The following KIF26B variants were observed in gnomAD, a reference collection of about 807,000 sequenced individuals.
KIF26B encodes the protein kinesin family member 26B.
A neutral mutation model predicts 151.2 loss-of-function variants in KIF26B; 63 were observed. The ratio of observed to expected loss-of-function variants is 0.42; its 90% CI spans 0.34 to 0.51. KIF26B has a LOEUF of 0.51. Among genes scored for constraint, KIF26B ranks in the 20% least tolerant of loss-of-function variants. The pLI is 0.07. For missense variants in KIF26B, 2,813 were observed against 2,913.6 expected, an observed-to-expected ratio of 0.97 and a Z score of 0.79; for synonymous variants, 1,357 against 1,262.1, an observed-to-expected ratio of 1.08 and a Z score of -1.59.
At chr1:245,424,027 G>C (rs982911743) in intron 4 of KIF26B, among the ~76,000 whole-genome samples, 1 of 151,986 alleles carries the variant, frequency 6.6e-6, no homozygotes, top group African/African-American at 2.4e-5. Flanking sequence ...TTTTTGAAGA[G>C]ATGAGTCTCC....
intron 10 of KIF26B, among the ~76,000 whole-genome samples, chr1:245,663,735 C>G (rs2147935665): frequency 6.6e-6 from 1 of 152,182 alleles, no homozygotes; most frequent in South Asian, 2.1e-4. Context: ...GCGTGCAAAC[C>G]TGCATGTAAT....
At position 245,494,306 on chromosome 1, in the gene KIF26B, C is replaced by CAAAT. The variant is rs1319800370; in HGVS notation, c.1167-46458_1167-46457insTAAA. Among the ~76,000 whole-genome samples, 4 of 4,818 alleles carry CAAAT rather than the reference C, an allele frequency of 8.3e-4. No homozygotes were observed. The Non-Finnish European group carries it at 0.012, about 14-fold the overall frequency. 3.2% of individuals were successfully genotyped at this position (4,818 alleles called of 152,430 possible). On this transcript the variant is annotated intron_variant, in intron 4 of 14. Coordinates refer to ENST00000407071, the MANE Select transcript of KIF26B (RefSeq NM_018012.4). ...GGGCAACAAGACCAAAACTCTGTCT[C>CAAAT]AAACAAACAAACAAACAAAAAACAA...
rs530346638 is a variant in KIF26B, at chr1:245,302,364, GT to G, written c.466-64466del. 6.4e-4 allele frequency among the ~76,000 whole-genome samples: 97 copies of G among 152,326 alleles called. 1 individual carries two copies. The highest frequency in any genetic ancestry group is 2.2e-3 in the African/African-American group (92 of 41,576). On this transcript the variant is annotated intron_variant, in intron 2 of 14. Coordinates refer to ENST00000407071, the MANE Select transcript of KIF26B (RefSeq NM_018012.4). ...AAGCTCATAATGTGGTGAAGATACC[GT>G]TTTGGGATTATTTCTAGAACGTGAT...
At chr1:245,435,473 C>T (rs1658895607) in intron 4 of KIF26B, among the ~76,000 whole-genome samples, 1 of 152,228 alleles carries the variant, frequency 6.6e-6, no homozygotes, top group African/African-American at 2.4e-5. Flanking sequence ...GCTTACTAGT[C>T]CATTGCCTGT....
chr1:245,331,779 C>T (rs1341705922), intron 2 of KIF26B, among the ~76,000 whole-genome samples: 3 of 152,204 alleles, frequency 2.0e-5, no homozygotes, highest in East Asian at 1.9e-4. Context: ...ACACTTCTTT[C>T]GTATGTAGAA....
chr1:245,686,964 G>A lies in KIF26B; in HGVS notation c.3981G>A (p.Val1327=), dbSNP rs2044534821. ...TCAGCAGCCTCCAGAACACCGCTGTGGTGTGCAGAGAGAAGCCCAAGGCCA... is the reference window on the plus strand; with the variant it reads ...TCAGCAGCCTCCAGAACACCGCTGTAGTGTGCAGAGAGAAGCCCAAGGCCA... ...EFVSSLQNTA[V]VCREKPKASP... Residue 1327 remains valine, a synonymous_variant, in exon 12 of 15, where the codon GTG becomes GTA. Transcript: ENST00000407071. The surrounding 1 kb of genome is among the most constrained non-coding windows in gnomAD (Gnocchi z 5.6). 6.2e-7 allele frequency: 1 copy of A among 1,613,420 alleles called. No homozygotes were observed. Among genetic ancestry groups the A allele is most frequent in the South Asian group, 1.1e-5 (1 of 90,994 alleles).
At chr1:245,644,960 T>C (rs1214318209) in intron 9 of KIF26B, among the ~76,000 whole-genome samples, 1 of 152,078 alleles carries the variant, frequency 6.6e-6, no homozygotes, top group Non-Finnish European at 1.5e-5. Flanking sequence ...CTTACGATGA[T>C]GGTGGAAGGT....
intron 2 of KIF26B, among the ~76,000 whole-genome samples, chr1:245,171,691 C>T (rs147662301): frequency 1.4e-4 from 22 of 152,250 alleles, no homozygotes; most frequent in Middle Eastern, 3.4e-3. Context: ...AATCATAGAA[C>T]GATGGCATAG....
intron 10 of KIF26B, among the ~76,000 whole-genome samples, chr1:245,668,473 A>G (rs553583585): frequency 4.6e-5 from 7 of 152,356 alleles, no homozygotes; most frequent in South Asian, 4.1e-4. Context: ...AAAATTTTGT[A>G]GATTCTCCCT....
At chr1:245,399,402 A>G (rs1673939233) in intron 3 of KIF26B, among the ~76,000 whole-genome samples, 1 of 152,192 alleles carries the variant, frequency 6.6e-6, no homozygotes, top group Non-Finnish European at 1.5e-5. Context: ...TACATTATGT[A>G]CATGGTTGAC....
chr1:245,278,958 G>A (rs1241788296), intron 2 of KIF26B, among the ~76,000 whole-genome samples: 1 of 152,162 alleles, frequency 6.6e-6, no homozygotes, highest in Non-Finnish European at 1.5e-5. Flanking sequence ...TGGACACTAA[G>A]CCCACAGCCC....
At chr1:245,532,284 C>G (rs1239979340) in intron 4 of KIF26B, among the ~76,000 whole-genome samples, 2 of 128,578 alleles carry the variant, frequency 1.6e-5, no homozygotes, top group South Asian at 2.4e-4. Flanking sequence ...CTTGCTCTGT[C>G]GCCCAGGCTG....
intron 5 of KIF26B, among the ~76,000 whole-genome samples, chr1:245,551,398 T>G (rs1300292497): frequency 6.6e-6 from 1 of 152,204 alleles, no homozygotes; most frequent in African/African-American, 2.4e-5. Flanking sequence ...AGATTTTCAG[T>G]GAAGGACAAT....
At chr1:245,290,091 G>A (rs1276848623) in intron 2 of KIF26B, among the ~76,000 whole-genome samples, 1 of 152,054 alleles carries the variant, frequency 6.6e-6, no homozygotes, top group Admixed American at 6.5e-5. Context: ...TTTACTTGGG[G>A]TCAGGCACTG....
chr1:245,656,428 GACAA>G (rs1395431048), intron 10 of KIF26B, among the ~76,000 whole-genome samples: 10 of 152,304 alleles, frequency 6.6e-5, no homozygotes, highest in African/African-American at 2.4e-4. Flanking sequence ...CACAAATCAT[GACAA>G]ACCACTAAGC....
intron 3 of KIF26B, among the ~76,000 whole-genome samples, chr1:245,377,764 G>A (rs1279858009): frequency 6.6e-6 from 1 of 152,060 alleles, no homozygotes; most frequent in African/African-American, 2.4e-5. Context: ...CAGCATCCAC[G>A]GCTGGTCAGC....
rs779237638 is a variant in KIF26B, at chr1:245,704,006, G to A, written c.*1400G>A. The stretch of plus-strand genomic sequence containing the variant: ...CCAACAACTCAGGACCTCAAATTCA[G>A]ATGTTCCTCCCTATAACAATTCCCT... On this transcript the variant is annotated 3_prime_UTR_variant, in exon 15 of 15. Coordinates refer to ENST00000407071, the MANE Select transcript of KIF26B (RefSeq NM_018012.4). 9.2e-5 allele frequency: 14 copies of A among 152,158 alleles called. No individual in the cohort carries two copies. Among genetic ancestry groups the A allele is most frequent in the Non-Finnish European group, 1.8e-4 (12 of 68,028 alleles). The allele number at this position is 152,158 out of a possible 1,614,324, so 9.4% of individuals were successfully genotyped here.
At chr1:245,653,732 A>G (rs2044044382) in intron 10 of KIF26B, among the ~76,000 whole-genome samples, 1 of 152,154 alleles carries the variant, frequency 6.6e-6, no homozygotes, top group Non-Finnish European at 1.5e-5. Context: ...GATCAAACAT[A>G]CCAGCAAAGC....
chr1:245,664,090 C>T (rs115529225), intron 10 of KIF26B, among the ~76,000 whole-genome samples: 2,102 of 152,198 alleles, frequency 0.014, 59 homozygotes, highest in African/African-American at 0.048. Flanking sequence ...TATCCACGGC[C>T]GGGCATGGTG....
Sources: gnomAD v4.1 joint callset for allele counts (sites outside exome capture counted in the v4.1 genomes callset) on GRCh38, gnomAD v4.1.1 for gene constraint, Gnocchi (gnomAD v3.1) non-coding constraint, MANE v1.5 for transcripts, NCBI Gene and HGNC (gene_info 2026-07-23, HGNC 2026-07-21) for gene names.